Variants in ZFAND3 observed in about 807,000 individuals in gnomAD.
The protein encoded by ZFAND3 is AN1-type zinc finger protein 3.
A neutral mutation model predicts 29.6 loss-of-function variants in ZFAND3; 10 were observed. That is an observed-to-expected ratio of 0.34 (90% CI 0.21 to 0.57). The LOEUF (loss-of-function observed/expected upper bound fraction) is 0.57. Ranked by LOEUF, ZFAND3 falls within the 20% of genes least tolerant of loss-of-function variation. The pLI, the probability that ZFAND3 is intolerant of heterozygous loss-of-function variation, is 0.86. For missense variants in ZFAND3, 230 were observed against 304.5 expected, an observed-to-expected ratio of 0.76 and a Z score of 1.82; for synonymous variants, 128 against 112.6, an observed-to-expected ratio of 1.14 and a Z score of -0.87.
At chr6:37,925,946 G>A (rs567672033) in intron 1 of ZFAND3, among the ~76,000 whole-genome samples, 19 of 152,286 alleles carry the variant, frequency 1.2e-4, no homozygotes, top group African/African-American at 4.6e-4. Context: ...TTCGTGTATA[G>A]ATACAGTATT....
chr6:37,881,906 T>A lies in ZFAND3; in HGVS notation c.72-48053T>A, dbSNP rs72849384. ...GTATATGGTAAGAAGTACAACGAAT[T>A]CAAAAACATTCCTGTATAATCACAT... On this transcript the variant is annotated intron_variant, in intron 1 of 5. Transcript: ENST00000287218. 2.4e-3 allele frequency among the ~76,000 whole-genome samples: 372 copies of A among 152,274 alleles called. 1 individual carries two copies. Among genetic ancestry groups the A allele is most frequent in the Non-Finnish European group, 4.5e-3 (307 of 68,008 alleles).
chr6:37,923,032 ACT>A (rs1187635652), intron 1 of ZFAND3, among the ~76,000 whole-genome samples: 11 of 152,258 alleles, frequency 7.2e-5, no homozygotes, highest in South Asian at 4.1e-4. Flanking sequence ...TAAACTGATG[ACT>A]CTTTTGTAAT....
At chr6:38,124,593 C>T (rs1765597326) in intron 5 of ZFAND3, among the ~76,000 whole-genome samples, 1 of 152,226 alleles carries the variant, frequency 6.6e-6, no homozygotes, top group South Asian at 2.1e-4. Flanking sequence ...AAGCCCCTCA[C>T]TGCCCCGGGC....
At chr6:37,863,360 C>G (rs1326826013) in intron 1 of ZFAND3, among the ~76,000 whole-genome samples, 1 of 152,210 alleles carries the variant, frequency 6.6e-6, no homozygotes, top group Non-Finnish European at 1.5e-5. Context: ...AAAGAAACTT[C>G]TGTAATCCTG....
intron 1 of ZFAND3, among the ~76,000 whole-genome samples, chr6:37,846,346 G>T (rs1357088512): frequency 6.6e-6 from 1 of 152,206 alleles, no homozygotes; most frequent in Non-Finnish European, 1.5e-5. Flanking sequence ...GCAGCTGTTT[G>T]GAAGGCTTAG....
chr6:37,867,988 G>C (rs1016353327), intron 1 of ZFAND3, among the ~76,000 whole-genome samples: 3 of 152,146 alleles, frequency 2.0e-5, no homozygotes, highest in Admixed American at 6.5e-5. Flanking sequence ...CAGGGTGGTT[G>C]TTAAGACCAG....
intron 5 of ZFAND3, among the ~76,000 whole-genome samples, chr6:38,140,576 ACCT>A (rs1213385775): frequency 1.3e-5 from 2 of 152,056 alleles, no homozygotes; most frequent in Non-Finnish European, 2.9e-5. Context: ...TGCAGCCTTG[ACCT>A]CCTGGTTGCA....
chr6:37,936,891 A>G (rs577057006), intron 2 of ZFAND3, among the ~76,000 whole-genome samples: 1 of 152,358 alleles, frequency 6.6e-6, no homozygotes, highest in African/African-American at 2.4e-5. Flanking sequence ...GGTGAGTGAT[A>G]TAACAATGCT....
At chr6:37,898,495 A>C (rs1360457819) in intron 1 of ZFAND3, among the ~76,000 whole-genome samples, 1 of 152,164 alleles carries the variant, frequency 6.6e-6, no homozygotes, top group Non-Finnish European at 1.5e-5. Flanking sequence ...ACAGCCTTTG[A>C]ATTTTCATAT....
chr6:38,075,573 A>G, intron 3 of ZFAND3, among the ~76,000 whole-genome samples: 1 of 152,234 alleles, frequency 6.6e-6, no homozygotes, highest in East Asian at 1.9e-4. Flanking sequence ...TACTGTGAAC[A>G]TTATTGAAAT....
In ZFAND3 at chr6:38,153,213, C is replaced by T. The variant is rs1473028400; in HGVS notation, c.*824C>T. ...CCAGATGTGGCGAATGGCAGCACAG[C>T]GCGGTGGCTGGGTCTGCACACTGGC... is the stretch of plus-strand genomic sequence containing the variant. On this transcript the variant is annotated 3_prime_UTR_variant, in exon 6 of 6. Coordinates refer to ENST00000287218, the MANE Select transcript of ZFAND3 (RefSeq NM_021943.3). 1.1e-5 allele frequency: 11 copies of T among 985,358 alleles called. No homozygotes were observed. The highest frequency in any genetic ancestry group is 5.2e-4 in the Middle Eastern group (1 of 1,936). The allele number at this position is 985,358 out of a possible 1,614,324, so 61.0% of individuals were successfully genotyped here.
chr6:38,054,730 T>G (rs896382505), intron 2 of ZFAND3, among the ~76,000 whole-genome samples: 3 of 152,186 alleles, frequency 2.0e-5, no homozygotes, highest in Non-Finnish European at 1.5e-5. Flanking sequence ...CTACAACATA[T>G]GCATAAGGTG....
intron 1 of ZFAND3, among the ~76,000 whole-genome samples, chr6:37,835,464 GTTTTTT>G (rs373349669): frequency 1.5e-5 from 2 of 137,156 alleles, no homozygotes; most frequent in African/African-American, 5.4e-5. Context: ...GCCTGTAAGA[GTTTTTT>G]TTTTTTTTTT....
At chr6:37,996,387 A>C (rs6903260) in intron 2 of ZFAND3, among the ~76,000 whole-genome samples, 2 of 152,196 alleles carry the variant, frequency 1.3e-5, no homozygotes, top group Admixed American at 1.3e-4. Context: ...TATTATCACA[A>C]AAGTATAAGT....
intron 5 of ZFAND3, among the ~76,000 whole-genome samples, chr6:38,122,431 C>T (rs1414274775): frequency 2.0e-5 from 3 of 152,136 alleles, no homozygotes; most frequent in South Asian, 2.1e-4. Flanking sequence ...TCGTTGAGTG[C>T]GGAACCCATG....
At chr6:38,152,125 T>A (rs772521207) in intron 5 of ZFAND3, 110 bp from the exon 6 acceptor site, 106 of 1,036,600 alleles carry the variant, frequency 1.0e-4, no homozygotes, top group South Asian at 2.9e-4. Context: ...GTGAGTGTTG[T>A]CCACTCACTG....
chr6:38,116,495 G>C, intron 4 of ZFAND3, 77 bp from the exon 5 acceptor site: 1 of 1,506,230 alleles, frequency 6.6e-7, no homozygotes, highest in East Asian at 2.3e-5. Context: ...TCAGGAGAAT[G>C]CCTGGAAATA....
At chr6:38,121,738 G>C (rs1765538176) in intron 5 of ZFAND3, among the ~76,000 whole-genome samples, 1 of 152,114 alleles carries the variant, frequency 6.6e-6, no homozygotes, top group South Asian at 2.1e-4. Context: ...TTTATGGGAG[G>C]CACAGATGTC....
intron 1 of ZFAND3, among the ~76,000 whole-genome samples, chr6:37,886,237 C>CAAAAAAAAAAAAA (rs55661554): frequency 3.1e-5 from 3 of 95,302 alleles, no homozygotes; most frequent in Non-Finnish European, 4.3e-5. Context: ...GACTCTGTCT[C>CAAAAAAAAAAAAA]AAAAAAAAAA....
Sources: gnomAD v4.1 joint callset for allele counts (sites outside exome capture counted in the v4.1 genomes callset) on GRCh38, gnomAD v4.1.1 for gene constraint, MANE v1.5 for transcripts, NCBI Gene and HGNC (gene_info 2026-07-23, HGNC 2026-07-21) for gene names.